Variants in VPS41 observed in about 807,000 individuals in gnomAD.
VPS41 encodes the protein VPS41 subunit of HOPS complex.
In VPS41, 85 loss-of-function variants were observed where a neutral mutation model predicts 130.9. That is an observed-to-expected ratio of 0.65 (90% CI 0.55 to 0.78). The LOEUF (loss-of-function observed/expected upper bound fraction) is 0.78. VPS41 is among the 30% of genes least tolerant of loss of function. VPS41 has a pLI of 0.00. For missense variants in VPS41, 874 were observed against 1,018.7 expected (o/e 0.86, Z 1.93); for synonymous variants, 335 against 332.9 (o/e 1.01, Z -0.07).
intron 2 of VPS41, among the ~76,000 whole-genome samples, chr7:38,886,459 C>A (rs1181712634): frequency 6.6e-6 from 1 of 152,128 alleles, no homozygotes; most frequent in Non-Finnish European, 1.5e-5. Flanking sequence ...GGGTGTCTGC[C>A]GTTACTGAGG....
intron 7 of VPS41, among the ~76,000 whole-genome samples, chr7:38,798,912 C>G (rs1388433922): frequency 1.3e-5 from 2 of 152,066 alleles, no homozygotes; most frequent in Non-Finnish European, 2.9e-5. Context: ...TAATAAGACT[C>G]CAGTGAAGGC....
rs140804279 is a variant in VPS41, at chr7:38,797,342, C to CAGTA, written c.451-482_451-479dup. On this transcript the variant is annotated intron_variant, in intron 7 of 28. Transcript: ENST00000310301. ...AAATAATTGAACAATGACTTTTGAA[C>CAGTA]AGTAATTCATGTCACAAAATAAAAA... 5.5e-3 allele frequency among the ~76,000 whole-genome samples: 839 copies of CAGTA among 152,160 alleles called. 7 individuals are homozygous for CAGTA. Among genetic ancestry groups the CAGTA allele is most frequent in the African/African-American group, 0.018 (760 of 41,504 alleles).
chr7:38,763,018 T>C (rs917956930), intron 17 of VPS41, among the ~76,000 whole-genome samples: 3 of 152,248 alleles, frequency 2.0e-5, no homozygotes, highest in Non-Finnish European at 2.9e-5. Context: ...AAACAATAAA[T>C]TTTTTTAAAT....
intron 1 of VPS41, 46 bp from the exon 2 acceptor site, chr7:38,898,175 A>G (rs779876219): frequency 6.5e-7 from 1 of 1,548,304 alleles, no homozygotes; most frequent in South Asian, 1.1e-5. Flanking sequence ...ATGATAAAAG[A>G]ATAATCATTT....
At chr7:38,866,727 A>G (rs937916229) in intron 3 of VPS41, among the ~76,000 whole-genome samples, 1 of 152,254 alleles carries the variant, frequency 6.6e-6, no homozygotes, top group African/African-American at 2.4e-5. Context: ...AGTATAAATT[A>G]AGAAGAAATG....
At chr7:38,783,317 A>T (rs367613387) in intron 10 of VPS41, among the ~76,000 whole-genome samples, 23 of 151,856 alleles carry the variant, frequency 1.5e-4, no homozygotes, top group African/African-American at 5.1e-4. Context: ...CAGGTGGATC[A>T]CAAGGTCAGG....
intron 4 of VPS41, among the ~76,000 whole-genome samples, chr7:38,843,613 C>T (rs964475115): frequency 1.6e-4 from 24 of 150,700 alleles, no homozygotes; most frequent in African/African-American, 4.6e-4. Context: ...ACCCGGGAGG[C>T]GGAGCTTTTA....
intron 1 of VPS41, among the ~76,000 whole-genome samples, chr7:38,903,630 A>G (rs1160963742): frequency 6.6e-6 from 1 of 152,166 alleles, no homozygotes. Context: ...CCAACAAACT[A>G]TGCGCCCTAG....
At chr7:38,727,233 T>C (rs764609090) in intron 27 of VPS41, 35 of 292,836 alleles carry the variant, frequency 1.2e-4, no homozygotes, top group Non-Finnish European at 1.8e-4. Flanking sequence ...CCAGACTACA[T>C]TGAGGACAAC....
intron 4 of VPS41, among the ~76,000 whole-genome samples, chr7:38,830,670 G>A (rs1785369376): frequency 6.6e-6 from 1 of 152,186 alleles, no homozygotes; most frequent in Non-Finnish European, 1.5e-5. Context: ...AAGGCTCCCA[G>A]ACCTCAAAAA....
intron 16 of VPS41, among the ~76,000 whole-genome samples, 186 bp downstream of exon 16, chr7:38,765,394 A>T (rs945257230): frequency 1.6e-5 from 1 of 63,766 alleles, no homozygotes; most frequent in African/African-American, 7.3e-5. Context: ...ATAAATATAT[A>T]ATCTTATATA....
intron 4 of VPS41, among the ~76,000 whole-genome samples, chr7:38,851,624 T>C (rs556412733): frequency 1.1e-3 from 170 of 152,374 alleles, no homozygotes; most frequent in African/African-American, 3.8e-3. Flanking sequence ...AAAACTGATA[T>C]GCATATTCAT....
Position 38,830,118 on chromosome 7 carries a change from C to A in VPS41, c.321+136G>T. 4.4e-6 allele frequency: 3 copies of A among 678,356 alleles called. No homozygotes were observed. In the South Asian group the frequency reaches 5.6e-5, roughly 13 times the overall value. The allele number at this position is 678,356 out of a possible 1,614,324, so 42.0% of individuals were successfully genotyped here. On this transcript the variant is annotated intron_variant, in intron 5 of 28. Coordinates refer to ENST00000310301, the MANE Select transcript of VPS41 (RefSeq NM_014396.4). ...AAATATATTTTACTTCAATTATGAC[C>A]AATCAGAAGCAAGTTCAATACTCAG... is the stretch of plus-strand genomic sequence containing the variant.
intron 4 of VPS41, among the ~76,000 whole-genome samples, chr7:38,835,337 T>C (rs1785471830): frequency 6.6e-6 from 1 of 152,042 alleles, no homozygotes; most frequent in African/African-American, 2.4e-5. Flanking sequence ...ATTAATATAC[T>C]GCCTAATAAT....
intron 2 of VPS41, among the ~76,000 whole-genome samples, chr7:38,890,438 T>C (rs534977265): frequency 1.4e-3 from 208 of 152,302 alleles, no homozygotes; most frequent in Non-Finnish European, 2.2e-3. Flanking sequence ...GTGATGAAAC[T>C]GTCCTGTATT....
At chr7:38,907,672 T>C (rs1368314670) in intron 1 of VPS41, among the ~76,000 whole-genome samples, 1 of 152,226 alleles carries the variant, frequency 6.6e-6, no homozygotes, top group Non-Finnish European at 1.5e-5. Context: ...AAATTCTTCT[T>C]CTGCACTAAA....
At chr7:38,901,738 A>G (rs1407066514) in intron 1 of VPS41, among the ~76,000 whole-genome samples, 1 of 152,130 alleles carries the variant, frequency 6.6e-6, no homozygotes, top group Admixed American at 6.5e-5. Context: ...TGAATCATAC[A>G]CTTAAAAATG....
Position 38,898,465 on chromosome 7 carries a change from G to T in VPS41, c.22-336C>A, listed in dbSNP as rs117756006. On this transcript the variant is annotated intron_variant, in intron 1 of 28. Transcript: ENST00000310301. ...GCCTCACTAATCTCAGAAGGGAAGA[G>T]GAAACTGCCATCTCATGTTATCTAC... is the stretch of plus-strand genomic sequence containing the variant. Among the ~76,000 whole-genome samples the T allele has an allele frequency of 9.9e-3, 1,510 of 152,270 alleles. 8 individuals carry two copies. The highest frequency in any genetic ancestry group is 0.027 in the Middle Eastern group (8 of 294).
At chr7:38,863,152 A>G (rs542812638) in intron 3 of VPS41, among the ~76,000 whole-genome samples, 2 of 152,230 alleles carry the variant, frequency 1.3e-5, no homozygotes, top group Non-Finnish European at 2.9e-5. Context: ...TGCTTCTATA[A>G]AAGTTAATAT....
Sources: allele counts gnomAD v4.1 joint callset (sites outside exome capture counted in the v4.1 genomes callset), GRCh38; gene constraint gnomAD v4.1.1; transcripts MANE v1.5; gene names NCBI Gene and HGNC (gene_info 2026-07-23, HGNC 2026-07-21).